Variants in GRM7 observed in about 807,000 individuals in gnomAD.
The protein encoded by GRM7 is glutamate metabotropic receptor 7.
GRM7 carries 35 observed loss-of-function variants against 84.5 expected under a neutral mutation model. The ratio of observed to expected loss-of-function variants is 0.41; its 90% CI spans 0.32 to 0.55. The LOEUF (loss-of-function observed/expected upper bound fraction) is 0.55. Among genes scored for constraint, GRM7 ranks in the 20% least tolerant of loss-of-function variants. The probability of loss-of-function intolerance (pLI) is 0.19; values close to 1 mark genes in which losing one functional copy is unlikely to be tolerated. For missense variants in GRM7, 1,003 were observed against 1,194.6 expected (o/e 0.84, Z 2.36); for synonymous variants, 487 against 455.1 (o/e 1.07, Z -0.89).
intron 4 of GRM7, among the ~76,000 whole-genome samples, chr3:7,393,235 T>C (rs1336274258): frequency 2.0e-5 from 3 of 152,158 alleles, no homozygotes; most frequent in African/African-American, 7.2e-5. Context: ...AGGTTCCCAG[T>C]GTCTCAGCTC....
At chr3:6,988,487 G>A (rs1694512525) in intron 1 of GRM7, among the ~76,000 whole-genome samples, 1 of 152,092 alleles carries the variant, frequency 6.6e-6, no homozygotes, top group Non-Finnish European at 1.5e-5. Context: ...TCTACTGATG[G>A]TCCCATAGTG....
chr3:7,601,861 G>A (rs1378528028), intron 8 of GRM7, among the ~76,000 whole-genome samples: 1 of 152,014 alleles, frequency 6.6e-6, no homozygotes, highest in Non-Finnish European at 1.5e-5. Context: ...TGGAAGAAGT[G>A]TCATTCCTTG....
At chr3:6,873,018 G>A (rs2124946044) in intron 1 of GRM7, among the ~76,000 whole-genome samples, 1 of 152,246 alleles carries the variant, frequency 6.6e-6, no homozygotes, top group Non-Finnish European at 1.5e-5. Context: ...TCTGGTTCTA[G>A]ATCCCTGAGG....
intron 1 of GRM7, among the ~76,000 whole-genome samples, chr3:7,050,145 A>G (rs1696941032): frequency 6.6e-6 from 1 of 151,930 alleles, no homozygotes; most frequent in Admixed American, 6.6e-5. Flanking sequence ...TGGAATATGT[A>G]CAAATTACAA....
In GRM7 at chr3:6,861,186, G is replaced by T; in HGVS notation, c.-203G>T. The T allele has an allele frequency of 2.2e-6, 1 of 449,558 alleles. No homozygotes were observed. The highest frequency in any genetic ancestry group is 3.8e-6 in the Non-Finnish European group (1 of 260,770). The allele number at this position is 449,558 out of a possible 1,614,324, so 27.8% of individuals were successfully genotyped here. On this transcript the variant is annotated 5_prime_UTR_variant, in exon 1 of 10. Coordinates refer to ENST00000357716, the MANE Select transcript of GRM7 (RefSeq NM_000844.4). The surrounding 1 kb of genome is among the most constrained non-coding windows in gnomAD (Gnocchi z 6.4). ...GCGCGGCGCGCCGGCCGGCTAACCC[G>T]AGAGCGCGAGGCGCCCCAGGCTGGC...
Position 6,863,167 on chromosome 3 carries a change from C to T in GRM7, c.519+1260C>T, listed in dbSNP as rs1694822436. ...GTTTTTTCTCTCCTTTTCAATCTCT[C>T]CCTCCTTTCCTCCTCTGTCTTCACT... On this transcript the variant is annotated intron_variant, in intron 1 of 9. Coordinates refer to ENST00000357716, the MANE Select transcript of GRM7 (RefSeq NM_000844.4). This position sits in a 1 kb window ranked among gnomAD's most constrained non-coding sequence, Gnocchi z 4.8. 6.6e-6 allele frequency among the ~76,000 whole-genome samples: 1 copy of T among 151,676 alleles called. No individual in the cohort carries two copies. Among genetic ancestry groups the T allele is most frequent in the Non-Finnish European group, 1.5e-5 (1 of 67,954 alleles).
At chr3:7,560,626 G>T (rs140442408) in intron 7 of GRM7, among the ~76,000 whole-genome samples, 1 of 152,180 alleles carries the variant, frequency 6.6e-6, no homozygotes, top group Non-Finnish European at 1.5e-5. Flanking sequence ...CACTAGATTT[G>T]TTGGTGCATT....
intron 4 of GRM7, among the ~76,000 whole-genome samples, chr3:7,321,810 G>A (rs1700793489): frequency 1.3e-5 from 2 of 151,978 alleles, no homozygotes; most frequent in Admixed American, 1.3e-4. Context: ...TAGCATATTG[G>A]CACTTACTTT....
intron 4 of GRM7, among the ~76,000 whole-genome samples, chr3:7,371,189 T>C (rs1694115915): frequency 6.6e-6 from 1 of 152,018 alleles, no homozygotes; most frequent in East Asian, 1.9e-4. Flanking sequence ...CAGACCACAA[T>C]AGAGTGACGT....
chr3:7,083,132 A>G (rs923721492), intron 1 of GRM7, among the ~76,000 whole-genome samples: 9 of 152,166 alleles, frequency 5.9e-5, no homozygotes, highest in Non-Finnish European at 1.2e-4. Context: ...ACAGCATTGC[A>G]TGCTACAGAG....
At chr3:7,377,552 A>G (rs530178231) in intron 4 of GRM7, among the ~76,000 whole-genome samples, 145 of 152,314 alleles carry the variant, frequency 9.5e-4, no homozygotes, top group African/African-American at 3.3e-3. Flanking sequence ...AGAAACTGAT[A>G]TTCACAAAGC....
intron 1 of GRM7, among the ~76,000 whole-genome samples, chr3:7,105,042 T>G (rs1419848169): frequency 6.6e-6 from 1 of 151,870 alleles, no homozygotes; most frequent in African/African-American, 2.4e-5. Context: ...CATTATCTTA[T>G]TCTCCTTTAC....
chr3:7,289,687 A>G (rs1015760698), intron 2 of GRM7, among the ~76,000 whole-genome samples: 2 of 152,110 alleles, frequency 1.3e-5, no homozygotes, highest in Admixed American at 1.3e-4. Flanking sequence ...CATCAAAAAG[A>G]ATGAGTTCAT....
intron 8 of GRM7, among the ~76,000 whole-genome samples, chr3:7,586,383 G>A (rs1695516538): frequency 2.0e-5 from 3 of 149,180 alleles, no homozygotes; most frequent in African/African-American, 7.5e-5. Flanking sequence ...GTACATGAGG[G>A]GTTTTTTTTT....
intron 1 of GRM7, among the ~76,000 whole-genome samples, chr3:7,143,720 T>A (rs773231802): frequency 1.2e-4 from 18 of 152,162 alleles, no homozygotes; most frequent in African/African-American, 3.6e-4. Flanking sequence ...GAGGGCTGGA[T>A]GTATCTTTAT....
chr3:6,937,947 A>C (rs1025974511), intron 1 of GRM7, among the ~76,000 whole-genome samples: 2 of 152,208 alleles, frequency 1.3e-5, no homozygotes, highest in African/African-American at 4.8e-5. Context: ...TCTCTTAATA[A>C]GTAAATACTG....
intron 1 of GRM7, among the ~76,000 whole-genome samples, chr3:7,132,596 A>G (rs1254664482): frequency 6.6e-6 from 1 of 152,220 alleles, no homozygotes; most frequent in African/African-American, 2.4e-5. Flanking sequence ...AGGTTGAAAA[A>G]AGAAAGAAAG....
intron 1 of GRM7, among the ~76,000 whole-genome samples, chr3:6,955,868 C>T (rs1480561808): frequency 6.6e-6 from 1 of 151,154 alleles, no homozygotes; most frequent in African/African-American, 2.4e-5. Context: ...GAATGACATT[C>T]TTTTCCTGAA....
chr3:7,464,232 G>A (rs1340114539), intron 7 of GRM7, among the ~76,000 whole-genome samples: 1 of 132,428 alleles, frequency 7.6e-6, no homozygotes, highest in Non-Finnish European at 1.7e-5. Context: ...TGAAGATGAA[G>A]CCAAATGAAT....
Sources: allele counts gnomAD v4.1 joint callset (sites outside exome capture counted in the v4.1 genomes callset), GRCh38; gene constraint gnomAD v4.1.1; non-coding constraint Gnocchi (gnomAD v3.1); transcripts MANE v1.5; gene names NCBI Gene and HGNC (gene_info 2026-07-23, HGNC 2026-07-21).